The following CAMTA1 variants were observed in gnomAD, a reference collection of about 807,000 sequenced individuals.
CAMTA1 encodes the protein calmodulin-binding transcription activator 1.
A neutral mutation model predicts 170.9 loss-of-function variants in CAMTA1; 27 were observed. That is an observed-to-expected ratio of 0.16 (90% CI 0.12 to 0.22). The LOEUF is 0.22. Ranked by LOEUF, CAMTA1 falls within the 10% of genes least tolerant of loss-of-function variation. CAMTA1 has a pLI of 1.00. For synonymous variants in CAMTA1, 833 were observed against 891.5 expected, an observed-to-expected ratio of 0.93 and a Z score of 1.17; for missense variants, 1,619 against 2,217.2, an observed-to-expected ratio of 0.73 and a Z score of 5.42.
chr1:7,009,893 G>A (rs2100759744), intron 3 of CAMTA1, among the ~76,000 whole-genome samples: 1 of 152,290 alleles, frequency 6.6e-6, no homozygotes, highest in Middle Eastern at 3.4e-3. Flanking sequence ...TCGTGCTTGG[G>A]CTCTAGCTTG....
At position 7,276,038 on chromosome 1, in the gene CAMTA1, C is replaced by A. The variant is rs576583163; in HGVS notation, c.438+26412C>A. On this transcript the variant is annotated intron_variant, in intron 5 of 22. Coordinates refer to ENST00000303635, the MANE Select transcript of CAMTA1 (RefSeq NM_015215.4). ...GCAGCTATAAGTAAAAAGGATAATA[C>A]ACCACGATTAATTATGTTGATTGAA... Among the ~76,000 whole-genome samples, 5 of 151,614 alleles carry A rather than the reference C, an allele frequency of 3.3e-5. No homozygotes were observed. In the South Asian group the frequency reaches 1.0e-3, roughly 32 times the overall value.
At chr1:7,604,842 G>T (rs956669712) in intron 6 of CAMTA1, among the ~76,000 whole-genome samples, 5 of 152,076 alleles carry the variant, frequency 3.3e-5, no homozygotes, top group Non-Finnish European at 7.4e-5. Flanking sequence ...TCATGGTGAC[G>T]TACAGATGGG....
chr1:7,024,073 T>C (rs1386837878), intron 3 of CAMTA1, among the ~76,000 whole-genome samples: 1 of 149,778 alleles, frequency 6.7e-6, no homozygotes, highest in East Asian at 1.9e-4. Flanking sequence ...AAACAAATAG[T>C]TAAGCATAAG....
At position 7,405,072 on chromosome 1, in the gene CAMTA1, G is replaced by A. The variant is rs189633020; in HGVS notation, c.439-62758G>A. ...CTGGTACTCATTGCAGGTAAGAGGTGAGCCATGCTGTTGGAGGCTGGTCTC... is the reference window on the plus strand; with the variant it reads ...CTGGTACTCATTGCAGGTAAGAGGTAAGCCATGCTGTTGGAGGCTGGTCTC... On this transcript the variant is annotated intron_variant, in intron 5 of 22. Coordinates refer to ENST00000303635, the MANE Select transcript of CAMTA1 (RefSeq NM_015215.4). Among the ~76,000 whole-genome samples, 200 of 152,182 alleles carry A rather than the reference G, an allele frequency of 1.3e-3. 1 individual carries two copies. The highest frequency in any genetic ancestry group is 4.6e-3 in the African/African-American group (190 of 41,536).
chr1:7,531,068 C>T (rs750599597), intron 6 of CAMTA1, among the ~76,000 whole-genome samples: 39 of 151,674 alleles, frequency 2.6e-4, no homozygotes, highest in Non-Finnish European at 4.9e-4. Context: ...CTGTATGCCT[C>T]GGCCTCCCAA....
chr1:6,836,408 T>C (rs1422001744), intron 3 of CAMTA1, among the ~76,000 whole-genome samples: 1 of 152,196 alleles, frequency 6.6e-6, no homozygotes, highest in Non-Finnish European at 1.5e-5. Flanking sequence ...GTGGCTTTCA[T>C]GAGGTCTTCT....
intron 5 of CAMTA1, among the ~76,000 whole-genome samples, chr1:7,400,286 A>C (rs962511039): frequency 1.3e-5 from 2 of 152,096 alleles, no homozygotes; most frequent in African/African-American, 2.4e-5. Context: ...TTTTAATTTT[A>C]TTCATTGAAT....
At chr1:7,705,049 G>A (rs1461431204) in intron 11 of CAMTA1, among the ~76,000 whole-genome samples, 1 of 149,312 alleles carries the variant, frequency 6.7e-6, no homozygotes, top group African/African-American at 2.4e-5. Context: ...TGTTTCTGGC[G>A]CGAGTGTGCG....
Position 7,664,485 on chromosome 1 carries a change from G to C in CAMTA1, c.1938G>C (p.Thr646=), listed in dbSNP as rs142993717. ...CTGGGGGCACCTTCGTGATGCCCAC[G>C]GTGAAAACGGAGGCCTCGTCCCAAA... ...SDSGGTFVMP[T]VKTEASSQTS... Residue 646 remains threonine (T), a synonymous_variant, in exon 9 of 23, where the codon ACG becomes ACC. Coordinates refer to ENST00000303635, the MANE Select transcript of CAMTA1 (RefSeq NM_015215.4). The C allele has an allele frequency of 6.0e-5, 97 of 1,613,190 alleles. No individual in the cohort carries two copies. In the African/African-American group the frequency reaches 1.1e-3, roughly 18 times the overall value.
At chr1:7,037,400 C>T (rs1454922369) in intron 3 of CAMTA1, among the ~76,000 whole-genome samples, 1 of 152,144 alleles carries the variant, frequency 6.6e-6, no homozygotes, top group African/African-American at 2.4e-5. Context: ...GCACGTTGGC[C>T]TTTCCCTGTG....
chr1:7,514,756 TCCTGGTGCAGACATCCA>T (rs1303994588), intron 6 of CAMTA1, among the ~76,000 whole-genome samples: 1 of 152,106 alleles, frequency 6.6e-6, no homozygotes, highest in Non-Finnish European at 1.5e-5. Flanking sequence ...GGCAGCCTGG[TCCTGGTGCAGACATCCA>T]CCTGGAGCTG....
At chr1:7,545,523 G>A (rs1488469066) in intron 6 of CAMTA1, among the ~76,000 whole-genome samples, 2 of 152,306 alleles carry the variant, frequency 1.3e-5, no homozygotes, top group Admixed American at 6.5e-5. Context: ...CATTTTTGAA[G>A]ATTACAGACC....
intron 6 of CAMTA1, among the ~76,000 whole-genome samples, chr1:7,485,439 G>A (rs915392706): frequency 1.3e-5 from 2 of 152,192 alleles, no homozygotes; most frequent in African/African-American, 4.8e-5. Flanking sequence ...AAGGTGAAAG[G>A]GTTTGGTCAT....
intron 3 of CAMTA1, among the ~76,000 whole-genome samples, chr1:6,845,613 A>G (rs1657783023): frequency 6.6e-6 from 1 of 152,254 alleles, no homozygotes; most frequent in African/African-American, 2.4e-5. Flanking sequence ...ACTTTAAAGA[A>G]ACAATGTTAC....
At position 7,588,999 on chromosome 1, in the gene CAMTA1, T is replaced by G. The variant is rs1224482503; in HGVS notation, c.511-51401T>G. Among the ~76,000 whole-genome samples, 1 of 152,164 alleles carries G rather than the reference T, an allele frequency of 6.6e-6. No individual in the cohort carries two copies. The highest frequency in any genetic ancestry group is 2.4e-5 in the African/African-American group (1 of 41,450). ...TTTACCTTCAATCGCTTCTCAGAAT[T>G]TTGCGCAGCCAGAAAACCGACTCCC... On this transcript the variant is annotated intron_variant, in intron 6 of 22. Transcript: ENST00000303635. This position sits in a 1 kb window ranked among gnomAD's most constrained non-coding sequence, Gnocchi z 5.8.
At chr1:6,982,545 C>T (rs1347415207) in intron 3 of CAMTA1, among the ~76,000 whole-genome samples, 1 of 152,184 alleles carries the variant, frequency 6.6e-6, no homozygotes, top group Non-Finnish European at 1.5e-5. Context: ...CAAGTGTTTC[C>T]TGCCTGAATT....
At chr1:7,405,527 T>C (rs183695003) in intron 5 of CAMTA1, among the ~76,000 whole-genome samples, 117 of 117,912 alleles carry the variant, frequency 9.9e-4, no homozygotes, top group African/African-American at 3.9e-3. Context: ...TGTGCCACCA[T>C]GCCTGGCTAA....
At chr1:7,428,857 C>T (rs1478251539) in intron 5 of CAMTA1, among the ~76,000 whole-genome samples, 4 of 152,134 alleles carry the variant, frequency 2.6e-5, no homozygotes, top group Non-Finnish European at 5.9e-5. Flanking sequence ...CAGCTAGCAC[C>T]GGTGCCTGGC....
At chr1:6,849,840 G>T (rs1441615922) in intron 3 of CAMTA1, among the ~76,000 whole-genome samples, 1 of 151,450 alleles carries the variant, frequency 6.6e-6, no homozygotes, top group Non-Finnish European at 1.5e-5. Flanking sequence ...TTCAAGACTG[G>T]CCTGGCCAAC....
Sources: gnomAD v4.1 joint callset for allele counts (sites outside exome capture counted in the v4.1 genomes callset) on GRCh38, gnomAD v4.1.1 for gene constraint, Gnocchi (gnomAD v3.1) non-coding constraint, MANE v1.5 for transcripts, NCBI Gene and HGNC (gene_info 2026-07-23, HGNC 2026-07-21) for gene names.